RELA: variants seen among roughly 807,000 people sequenced by gnomAD.
RELA encodes the protein RELA proto-oncogene, NF-kB subunit.
Under a neutral mutation model 56.7 loss-of-function variants are expected in RELA, and 14 were observed. The ratio of observed to expected loss-of-function variants is 0.25; its 90% CI spans 0.16 to 0.39. RELA has a LOEUF of 0.39. RELA is among the 10% of genes least tolerant of loss of function. The pLI, the probability that RELA is intolerant of heterozygous loss-of-function variation, is 1.00. For missense variants in RELA, 559 were observed against 736.4 expected, an observed-to-expected ratio of 0.76 and a Z score of 2.79; for synonymous variants, 315 against 289.7, an observed-to-expected ratio of 1.09 and a Z score of -0.89.
In RELA at chr11:65,658,540, C is replaced by T; in HGVS notation, c.665-41G>A. 1 of 1,523,008 alleles carries T rather than the reference C, an allele frequency of 6.6e-7. No homozygotes were observed. Among genetic ancestry groups the T allele is most frequent in the South Asian group, 1.2e-5 (1 of 84,372 alleles). The allele number at this position is 1,523,008 out of a possible 1,614,324, so 94.3% of individuals were successfully genotyped here. A position where few individuals can be genotyped will look rare whatever the true frequency, so the allele number is the denominator to read the frequency against. On this transcript the variant is annotated intron_variant, in intron 7 of 10. Transcript: ENST00000406246. This position sits in a 1 kb window ranked among gnomAD's most constrained non-coding sequence, Gnocchi z 4.5. Reference sequence around the variant, plus strand: ...TGGCAGTGTGGGTCAGTGTGTCTAACCCTCCATGGTCTCCCCCTCAACTTC... The same window carrying T: ...TGGCAGTGTGGGTCAGTGTGTCTAATCCTCCATGGTCTCCCCCTCAACTTC...
At chr11:65,662,337 C>A in intron 1 of RELA, 132 bp from the exon 2 acceptor site, 1 of 1,107,162 alleles carries the variant, frequency 9.0e-7, no homozygotes, top group Non-Finnish European at 1.2e-6. Flanking sequence ...TCCCTAGAAC[C>A]TGCGGTGAAA....
In RELA at chr11:65,658,631, A is replaced by G; in HGVS notation, c.664+87T>C. ...AGGCCCCCGAGGCACAGGAGGAAGT[A>G]TCCAAAGCCAGTTACCTGACACTCC... On this transcript the variant is annotated intron_variant, in intron 7 of 10. Coordinates refer to ENST00000406246, the MANE Select transcript of RELA (RefSeq NM_021975.4). This position sits in a 1 kb window ranked among gnomAD's most constrained non-coding sequence, Gnocchi z 4.5. The G allele has an allele frequency of 7.0e-7, 1 of 1,428,848 alleles. No homozygotes were observed. The highest frequency in any genetic ancestry group is 1.7e-5 in the Admixed American group (1 of 59,178). 88.5% of individuals were successfully genotyped at this position (1,428,848 alleles called of 1,614,324 possible).
chr11:65,661,592 G>A, intron 4 of RELA, 95 bp downstream of exon 4: 1 of 1,225,098 alleles, frequency 8.2e-7, no homozygotes, highest in Non-Finnish European at 1.1e-6. Flanking sequence ...GAGGAATTCT[G>A]CCCTGGGTCC....
Position 65,658,473 on chromosome 11 carries a change from G to T in RELA, c.691C>A (p.Pro231Thr), listed in dbSNP as rs751077868. The change falls in exon 8 of 11, where the codon CCA becomes ACA. Residue 231 changes from proline (P) to threonine (T), a missense_variant. Pro to Thr is a conservative substitution (Grantham distance 38). Coordinates refer to ENST00000406246, the MANE Select transcript of RELA (RefSeq NM_021975.4). The surrounding 1 kb of genome is among the most constrained non-coding windows in gnomAD (Gnocchi z 4.5). ...AAGGAGCCTCGGGCCTCCCAGCCTGGTCCCGTGAAATACACCTCAATGTCC... is the reference window on the plus strand; with the variant it reads ...AAGGAGCCTCGGGCCTCCCAGCCTGTTCCCGTGAAATACACCTCAATGTCC... ...KEDIEVYFTG[P>T]GWEARGSFSQ... The T allele has an allele frequency of 7.4e-6, 12 of 1,611,274 alleles. No individual in the cohort carries two copies. Among genetic ancestry groups the T allele is most frequent in the Non-Finnish European group, 1.0e-5 (12 of 1,178,000 alleles).
chr11:65,660,077 G>A (rs563774989), intron 5 of RELA, 47 bp downstream of exon 5: 2 of 1,561,886 alleles, frequency 1.3e-6, no homozygotes, highest in African/African-American at 1.4e-5. Flanking sequence ...AGGCGGGCTG[G>A]GGAGGGTGAC....
chr11:65,661,098 A>T (rs1590938750), intron 4 of RELA, among the ~76,000 whole-genome samples: 1 of 151,348 alleles, frequency 6.6e-6, no homozygotes, highest in African/African-American at 2.4e-5. Context: ...GCAGTGGTGC[A>T]ATCATAGCTT....
upstream of RELA, among the ~76,000 whole-genome samples, chr11:65,663,278 C>T (rs1856620884): frequency 6.6e-6 from 1 of 152,180 alleles, no homozygotes; most frequent in Non-Finnish European, 1.5e-5. Flanking sequence ...TGCGGCCGCC[C>T]GCCCCGCGCA....
intron 10 of RELA, chr11:65,655,249 G>A: frequency 1.7e-6 from 1 of 577,564 alleles, no homozygotes; most frequent in Non-Finnish European, 3.1e-6. Context: ...TTAGAGGAAG[G>A]GACACTTGGA....
Position 65,660,117 on chromosome 11 carries a change from C to T in RELA, c.427+7G>A. 1 of 1,613,578 alleles carries T rather than the reference C, an allele frequency of 6.2e-7. No individual in the cohort carries two copies. The highest frequency in any genetic ancestry group is 1.1e-5 in the South Asian group (1 of 91,062). On this transcript the variant is annotated splice_region_variant and intron_variant, in intron 5 of 10. Coordinates refer to ENST00000406246, the MANE Select transcript of RELA (RefSeq NM_021975.4). ...GGTGCGGGTGTGGCAGGCAGGTTTGCCCTCACCTTGGAAGGGGTTGTTGTT... is the reference window on the plus strand; with the variant it reads ...GGTGCGGGTGTGGCAGGCAGGTTTGTCCTCACCTTGGAAGGGGTTGTTGTT...
At chr11:65,662,784 G>C in intron 1 of RELA, 42 bp downstream of exon 1, 1 of 1,195,722 alleles carries the variant, frequency 8.4e-7, no homozygotes, top group East Asian at 3.5e-5. Context: ...AGCCGCGGCG[G>C]CCCCGGCGAT....
At chr11:65,655,594 G>T in intron 10 of RELA, 94 bp downstream of exon 10, 1 of 1,210,626 alleles carries the variant, frequency 8.3e-7, no homozygotes, top group Non-Finnish European at 1.2e-6. Flanking sequence ...GATTCAGTAG[G>T]TCTGTAATGG....
At chr11:65,657,423 T>A (rs1848747175) in intron 8 of RELA, among the ~76,000 whole-genome samples, 1 of 106,984 alleles carries the variant, frequency 9.3e-6, no homozygotes, top group South Asian at 6.8e-4. Flanking sequence ...TCTCTGATCT[T>A]CTACACGTGG....
rs1196380069 is a variant in RELA, at chr11:65,654,283, G to A, written c.*95C>T. 13 of 1,490,488 alleles carry A rather than the reference G, an allele frequency of 8.7e-6. No individual in the cohort carries two copies. Among genetic ancestry groups the A allele is most frequent in the Non-Finnish European group, 1.2e-5 (13 of 1,073,936 alleles). The allele number at this position is 1,490,488 out of a possible 1,614,324, so 92.3% of individuals were successfully genotyped here. On this transcript the variant is annotated 3_prime_UTR_variant, in exon 11 of 11. Transcript: ENST00000406246. ...AAGGAAGACATCCACAAAGTTGGGG[G>A]CAGTTGGAACACACCCCACCAGAAT...
Position 65,661,850 on chromosome 11 carries a change from G to T in RELA, c.187-15C>A. Reference sequence around the variant, plus strand: ...TAGCCATTGATCTGTCCAAAGTACAGAGGCCCAGACATCCAAACCTGACTC... The same window carrying T: ...TAGCCATTGATCTGTCCAAAGTACATAGGCCCAGACATCCAAACCTGACTC... On this transcript the variant is annotated splice_polypyrimidine_tract_variant and intron_variant, in intron 3 of 10. Coordinates refer to ENST00000406246, the MANE Select transcript of RELA (RefSeq NM_021975.4). 1.9e-6 allele frequency: 3 copies of T among 1,605,182 alleles called. No individual in the cohort carries two copies. Among genetic ancestry groups the T allele is most frequent in the Non-Finnish European group, 2.6e-6 (3 of 1,174,062 alleles).
chr11:65,656,436 C>G (rs1393104463), intron 8 of RELA, among the ~76,000 whole-genome samples: 2 of 152,222 alleles, frequency 1.3e-5, no homozygotes, highest in African/African-American at 4.8e-5. Flanking sequence ...CAAAGCACTT[C>G]AATTCCATCA....
rs374265584 is a variant in RELA at position 65,655,838 on chromosome 11, C to T, written c.958+17G>A. The T allele has an allele frequency of 5.8e-5, 94 of 1,613,852 alleles. No homozygotes were observed. In the East Asian group the frequency reaches 7.1e-4, roughly 12 times the overall value. On this transcript the variant is annotated intron_variant, in intron 9 of 10. Transcript: ENST00000406246. The stretch of plus-strand genomic sequence containing the variant: ...GCCCGCTGCCTTCCTCTCTGGCTTT[C>T]CCAGTCCCCATCTCACCGCTGAAAG...
intron 8 of RELA, 157 bp from the exon 9 acceptor site, chr11:65,656,092 G>C: frequency 1.4e-6 from 1 of 707,716 alleles, no homozygotes. Flanking sequence ...ACACTCAGCA[G>C]TTCTGAGAAT....
chr11:65,654,718 G>T lies in RELA; in HGVS notation c.1316C>A (p.Ala439Asp), dbSNP rs1390663138. The T allele has an allele frequency of 6.5e-7, 1 of 1,533,314 alleles. No homozygotes were observed. The highest frequency in any genetic ancestry group is 8.8e-7 in the Non-Finnish European group (1 of 1,141,762). The allele number at this position is 1,533,314 out of a possible 1,614,324, so 95.0% of individuals were successfully genotyped here. ...TQAGEGTLSE[A>D]LLQLQFDDED... ...ATCATCAAACTGCAGCTGCAGCAGG[G>T]CCTCTGACAGCGTTCCTTCCCCAGC... is the stretch of plus-strand genomic sequence containing the variant. Residue 439 changes from alanine to aspartate, a missense_variant, in exon 11 of 11, where the codon GCC becomes GAC. Transcript: ENST00000406246.
intron 8 of RELA, among the ~76,000 whole-genome samples, chr11:65,657,769 A>G (rs1226551409): frequency 6.6e-6 from 1 of 152,156 alleles, no homozygotes; most frequent in Non-Finnish European, 1.5e-5. Flanking sequence ...TGTTTTGCAC[A>G]TTTGTCTTCC....
Sources: gnomAD v4.1 joint callset for allele counts (sites outside exome capture counted in the v4.1 genomes callset) on GRCh38, gnomAD v4.1.1 for gene constraint, Gnocchi (gnomAD v3.1) non-coding constraint, MANE v1.5 for transcripts, NCBI Gene and HGNC (gene_info 2026-07-23, HGNC 2026-07-21) for gene names.